Variants in SCGN observed in about 807,000 individuals in gnomAD.
SCGN encodes secretagogin.
SCGN carries 30 observed loss-of-function variants against 39.7 expected under a neutral mutation model. The ratio of observed to expected loss-of-function variants is 0.76; its 90% CI spans 0.57 to 1.03. SCGN has a LOEUF of 1.03. Ranked by LOEUF, SCGN falls within the 50% of genes least tolerant of loss-of-function variation. SCGN has a pLI of 0.00. For missense variants in SCGN, 353 were observed against 349.4 expected (o/e 1.01, Z -0.08); for synonymous variants, 106 against 114.1 (o/e 0.93, Z 0.45).
chr6:25,653,937 C>A (rs1200599290), intron 2 of SCGN, among the ~76,000 whole-genome samples: 1 of 152,128 alleles, frequency 6.6e-6, no homozygotes, highest in East Asian at 1.9e-4. Context: ...CAGGGAATGA[C>A]AAACCAGAAA....
chr6:25,680,323 C>A (rs1488851301), intron 6 of SCGN, among the ~76,000 whole-genome samples: 1 of 152,130 alleles, frequency 6.6e-6, no homozygotes, highest in African/African-American at 2.4e-5. Context: ...GCTACAGAGG[C>A]CCCAGGAAAG....
chr6:25,667,310 T>C (rs182676201), intron 4 of SCGN, among the ~76,000 whole-genome samples: 4 of 152,292 alleles, frequency 2.6e-5, no homozygotes, highest in African/African-American at 9.6e-5. Flanking sequence ...AGTTTGTCAA[T>C]TTTATCTGTA....
chr6:25,663,564 T>G (rs754866370), intron 3 of SCGN, among the ~76,000 whole-genome samples: 33 of 152,336 alleles, frequency 2.2e-4, no homozygotes, highest in South Asian at 4.1e-4. Flanking sequence ...TCAATATTAT[T>G]ATCTCCATTT....
intron 6 of SCGN, among the ~76,000 whole-genome samples, chr6:25,671,170 A>G (rs1015697918): frequency 6.6e-6 from 1 of 152,216 alleles, no homozygotes; most frequent in Non-Finnish European, 1.5e-5. Context: ...TCCAAATACT[A>G]TATTATGTCT....
rs527887791 is a variant in SCGN, at chr6:25,673,579, T to C, written c.471+3503T>C. Among the ~76,000 whole-genome samples the C allele has an allele frequency of 3.9e-5, 6 of 152,298 alleles. No homozygotes were observed. The East Asian group carries it at 7.7e-4, about 20-fold the overall frequency. Reference sequence around the variant, plus strand: ...GTAGCTGAGGGAAATCAGAGTGATCTCACCCAATGTTTAAGTATCTAGGTT... The same window carrying C: ...GTAGCTGAGGGAAATCAGAGTGATCCCACCCAATGTTTAAGTATCTAGGTT... On this transcript the variant is annotated intron_variant, in intron 6 of 10. Coordinates refer to ENST00000377961, the MANE Select transcript of SCGN (RefSeq NM_006998.4).
rs1321608498 is a variant in SCGN, at chr6:25,670,004, C to T, written c.399C>T (p.Phe133=). Residue 133 remains phenylalanine, a synonymous_variant, in exon 6 of 11, where the codon TTC becomes TTT. Transcript: ENST00000377961. ...TTCTTCTCTTGGCGCCACAGAACTTCCTCCGAGACCTCTTTCTTCACCACA... is the reference window on the plus strand; with the variant it reads ...TTCTTCTCTTGGCGCCACAGAACTTTCTCCGAGACCTCTTTCTTCACCACA... ...GFISAAELRN[F]LRDLFLHHKK... is the part of the protein sequence containing the mutation. 1.2e-6 allele frequency: 2 copies of T among 1,613,228 alleles called. No individual in the cohort carries two copies. Among genetic ancestry groups the T allele is most frequent in the Non-Finnish European group, 1.7e-6 (2 of 1,179,376 alleles).
At chr6:25,657,243 T>C (rs892946732) in intron 2 of SCGN, among the ~76,000 whole-genome samples, 2 of 152,150 alleles carry the variant, frequency 1.3e-5, no homozygotes, top group Non-Finnish European at 2.9e-5. Context: ...CTATTGTCTC[T>C]GAAGACCCAC....
At chr6:25,661,265 G>A (rs541400505) in intron 2 of SCGN, among the ~76,000 whole-genome samples, 69 of 152,244 alleles carry the variant, frequency 4.5e-4, no homozygotes, top group Non-Finnish European at 7.2e-4. Flanking sequence ...GTTCAAATTT[G>A]TTCTTTCAGC....
At chr6:25,695,422 T>C (rs1233537593) in intron 10 of SCGN, among the ~76,000 whole-genome samples, 1 of 152,212 alleles carries the variant, frequency 6.6e-6, no homozygotes, top group African/African-American at 2.4e-5. Flanking sequence ...TTTTGTTTTG[T>C]TTTCTTTTAT....
At chr6:25,698,129 T>A (rs1759861737) in intron 10 of SCGN, among the ~76,000 whole-genome samples, 1 of 152,222 alleles carries the variant, frequency 6.6e-6, no homozygotes, top group Admixed American at 6.5e-5. Context: ...TTGTCTTCAG[T>A]GACACGTGCA....
At chr6:25,669,944 C>A in intron 5 of SCGN, 55 bp from the exon 6 acceptor site, 1 of 1,381,550 alleles carries the variant, frequency 7.2e-7, no homozygotes, top group African/African-American at 1.4e-5. Context: ...CTTTTAAGAC[C>A]TTTGCAGTTT....
chr6:25,673,038 A>G (rs1451467165), intron 6 of SCGN, among the ~76,000 whole-genome samples: 1 of 152,130 alleles, frequency 6.6e-6, no homozygotes, highest in African/African-American at 2.4e-5. Context: ...GGGACCTGAC[A>G]AGTAGTAGCC....
chr6:25,667,730 C>G (rs1020671932), intron 4 of SCGN, among the ~76,000 whole-genome samples: 5 of 152,062 alleles, frequency 3.3e-5, no homozygotes, highest in African/African-American at 1.2e-4. Context: ...TGGTAATAAA[C>G]TCTGCTTCTG....
chr6:25,658,818 G>A (rs1760282385), intron 2 of SCGN, among the ~76,000 whole-genome samples: 1 of 152,108 alleles, frequency 6.6e-6, no homozygotes, highest in Non-Finnish European at 1.5e-5. Context: ...TGAAAAAAAA[G>A]GAAGTACAAT....
At chr6:25,699,941 T>C (rs1248397008) in intron 10 of SCGN, among the ~76,000 whole-genome samples, 2 of 152,128 alleles carry the variant, frequency 1.3e-5, no homozygotes, top group Admixed American at 6.6e-5. Flanking sequence ...GCCACTTGGA[T>C]CTATTTTAAA....
In SCGN at chr6:25,661,541, G is replaced by C. The variant is rs372242967; in HGVS notation, c.154-11G>C. On this transcript the variant is annotated splice_polypyrimidine_tract_variant and intron_variant, in intron 2 of 10. Transcript: ENST00000377961. ...AGTGGCTTTAATGTGGCTCTGTTTG[G>C]TCAATTGCAGGACACGGTCATGAAA... is the stretch of plus-strand genomic sequence containing the variant. 5 of 1,605,308 alleles carry C rather than the reference G, an allele frequency of 3.1e-6. No individual in the cohort carries two copies. The highest frequency in any genetic ancestry group is 4.3e-6 in the Non-Finnish European group (5 of 1,172,574).
intron 10 of SCGN, among the ~76,000 whole-genome samples, chr6:25,692,289 G>T (rs901438249): frequency 2.0e-5 from 3 of 152,212 alleles, no homozygotes; most frequent in Admixed American, 6.5e-5. Context: ...TATTAAAGTT[G>T]CATGGCAGCA....
intron 1 of SCGN, among the ~76,000 whole-genome samples, chr6:25,652,789 GTA>G (rs1760157498): frequency 6.6e-6 from 1 of 151,910 alleles, no homozygotes; most frequent in African/African-American, 2.4e-5. Context: ...TAATATCATT[GTA>G]TATGTTCAAG....
At chr6:25,655,688 C>T (rs1760215182) in intron 2 of SCGN, among the ~76,000 whole-genome samples, 1 of 152,122 alleles carries the variant, frequency 6.6e-6, no homozygotes, top group Admixed American at 6.5e-5. Flanking sequence ...AATGCAGACC[C>T]CTAGGTCTCA....
Sources: gnomAD v4.1 joint callset for allele counts (sites outside exome capture counted in the v4.1 genomes callset) on GRCh38, gnomAD v4.1.1 for gene constraint, MANE v1.5 for transcripts, NCBI Gene and HGNC (gene_info 2026-07-23, HGNC 2026-07-21) for gene names.